Variants in NPAS3 observed in about 807,000 individuals in gnomAD.
NPAS3 encodes neuronal PAS domain-containing protein 3.
In NPAS3, 14 loss-of-function variants were observed where a neutral mutation model predicts 73.1. That is an observed-to-expected ratio of 0.19 (90% confidence interval 0.13 to 0.30). The LOEUF (loss-of-function observed/expected upper bound fraction) is 0.30, where lower values mean the gene tolerates loss of function less well. Ranked by LOEUF, NPAS3 falls within the 10% of genes least tolerant of loss-of-function variation. The pLI is 1.00. For synonymous variants in NPAS3, 620 were observed against 541.5 expected (o/e 1.14, Z -2.01); for missense variants, 1,096 against 1,250.0 (o/e 0.88, Z 1.86).
chr14:33,798,201 AT>A (rs1282732128), intron 11 of NPAS3, among the ~76,000 whole-genome samples: 1 of 152,094 alleles, frequency 6.6e-6, no homozygotes, highest in African/African-American at 2.4e-5. Context: ...ACTGTTACTT[AT>A]TTCCTGAATC....
chr14:32,978,345 AAC>A (rs1249563065), intron 1 of NPAS3, among the ~76,000 whole-genome samples: 4 of 152,276 alleles, frequency 2.6e-5, no homozygotes, highest in South Asian at 2.1e-4. Flanking sequence ...GAGAAGCCCA[AAC>A]ACAACTGGGA....
intron 4 of NPAS3, among the ~76,000 whole-genome samples, chr14:33,557,830 G>A (rs1051862919): frequency 1.3e-5 from 2 of 152,176 alleles, no homozygotes; most frequent in Non-Finnish European, 2.9e-5. Context: ...TTAGCCAGGC[G>A]TGGTGGCGGG....
intron 7 of NPAS3, among the ~76,000 whole-genome samples, chr14:33,739,869 A>G (rs1225822365): frequency 2.0e-5 from 3 of 152,098 alleles, no homozygotes; most frequent in Non-Finnish European, 4.4e-5. Context: ...TTATCCATCC[A>G]GTGTTGATAC....
At chr14:33,307,517 A>G (rs916510302) in intron 3 of NPAS3, among the ~76,000 whole-genome samples, 3 of 151,850 alleles carry the variant, frequency 2.0e-5, no homozygotes, top group East Asian at 1.9e-4. Context: ...AATGAATTAT[A>G]TAATTGTGAT....
chr14:33,777,505 T>C (rs1445457671), intron 8 of NPAS3, among the ~76,000 whole-genome samples: 1 of 151,984 alleles, frequency 6.6e-6, no homozygotes, highest in Non-Finnish European at 1.5e-5. Context: ...GTTTCTTAAA[T>C]GTGTCATTTC....
intron 4 of NPAS3, among the ~76,000 whole-genome samples, chr14:33,529,637 G>A (rs1010490348): frequency 6.6e-5 from 10 of 151,902 alleles, no homozygotes; most frequent in African/African-American, 2.4e-4. Context: ...TTTTATGTAT[G>A]TATGTATGTT....
chr14:33,296,206 A>G (rs2042291255), intron 3 of NPAS3, among the ~76,000 whole-genome samples: 1 of 152,206 alleles, frequency 6.6e-6, no homozygotes, highest in Non-Finnish European at 1.5e-5. Flanking sequence ...ATATTCCTGG[A>G]AAGTTAAATT....
At chr14:33,264,188 C>T (rs570156443) in intron 3 of NPAS3, among the ~76,000 whole-genome samples, 131 of 151,970 alleles carry the variant, frequency 8.6e-4, no homozygotes, top group Non-Finnish European at 8.1e-4. Flanking sequence ...AACCAAACAC[C>T]GCATGTTCTC....
intron 5 of NPAS3, among the ~76,000 whole-genome samples, chr14:33,650,059 G>C (rs1315244698): frequency 6.6e-6 from 1 of 152,216 alleles, no homozygotes; most frequent in East Asian, 1.9e-4. Flanking sequence ...GTCTGATTTA[G>C]TGCCTTAAAT....
At chr14:33,748,298 A>G (rs1436617232) in intron 7 of NPAS3, among the ~76,000 whole-genome samples, 2 of 152,194 alleles carry the variant, frequency 1.3e-5, no homozygotes, top group Non-Finnish European at 2.9e-5. Context: ...GATAAGGATA[A>G]GATGATACTA....
intron 4 of NPAS3, among the ~76,000 whole-genome samples, chr14:33,426,201 C>G (rs1329374664): frequency 3.9e-5 from 6 of 152,022 alleles, no homozygotes; most frequent in Non-Finnish European, 8.8e-5. Context: ...GATTCATGAA[C>G]TCAGATTCCA....
intron 5 of NPAS3, among the ~76,000 whole-genome samples, chr14:33,588,665 G>C (rs2139928612): frequency 6.6e-6 from 1 of 152,324 alleles, no homozygotes; most frequent in Non-Finnish European, 1.5e-5. Context: ...CCAGGCTGGA[G>C]TGCAGCGGTG....
intron 1 of NPAS3, among the ~76,000 whole-genome samples, chr14:32,965,960 T>C (rs563279508): frequency 6.6e-6 from 1 of 152,130 alleles, no homozygotes; most frequent in East Asian, 1.9e-4. Context: ...ACGTTTACAA[T>C]AGATAAAAAA....
At chr14:33,720,589 A>G (rs543903283) in intron 6 of NPAS3, among the ~76,000 whole-genome samples, 23 of 152,346 alleles carry the variant, frequency 1.5e-4, no homozygotes, top group African/African-American at 5.3e-4. Context: ...TTTACTGTAC[A>G]TCAGCAGGAC....
intron 5 of NPAS3, among the ~76,000 whole-genome samples, chr14:33,624,816 G>A (rs774019419): frequency 7.2e-5 from 11 of 152,032 alleles, no homozygotes; most frequent in African/African-American, 1.2e-4. Context: ...TAAGTTTTGC[G>A]CATCTAGTTT....
At chr14:33,223,783 C>T (rs1358626423) in intron 3 of NPAS3, among the ~76,000 whole-genome samples, 1 of 151,886 alleles carries the variant, frequency 6.6e-6, no homozygotes, top group Admixed American at 6.6e-5. Context: ...TTACTTAATT[C>T]CCCTGTACAT....
chr14:33,644,625 G>A (rs949307864), intron 5 of NPAS3, among the ~76,000 whole-genome samples: 1 of 152,152 alleles, frequency 6.6e-6, no homozygotes, highest in African/African-American at 2.4e-5. Flanking sequence ...TGAGCATTAG[G>A]TATCTTGCCA....
chr14:33,072,626 T>C (rs1001031129), intron 2 of NPAS3, among the ~76,000 whole-genome samples: 1 of 152,196 alleles, frequency 6.6e-6, no homozygotes, highest in Non-Finnish European at 1.5e-5. Flanking sequence ...CCTGAATGGA[T>C]ATTTTGCTAC....
chr14:33,562,249 C>T (rs72682318), intron 5 of NPAS3, among the ~76,000 whole-genome samples: 15,438 of 152,208 alleles, frequency 0.1, 841 homozygotes, highest in Non-Finnish European at 0.11. Flanking sequence ...AAATAATTGA[C>T]GCTTCTGTGA....
Sources: allele counts gnomAD v4.1 joint callset (sites outside exome capture counted in the v4.1 genomes callset), GRCh38; gene constraint gnomAD v4.1.1; transcripts MANE v1.5; gene names NCBI Gene and HGNC (gene_info 2026-07-23, HGNC 2026-07-21).